CTNND2: variants seen among roughly 807,000 people sequenced by gnomAD.
The protein encoded by CTNND2 is catenin delta-2.
CTNND2 carries 22 observed loss-of-function variants against 144.4 expected under a neutral mutation model. The ratio of observed to expected loss-of-function variants is 0.15; its 90% confidence interval spans 0.11 to 0.22. CTNND2 has a LOEUF of 0.22. CTNND2 is among the 10% of genes least tolerant of loss of function. CTNND2 has a pLI of 1.00. For missense variants in CTNND2, 1,353 were observed against 1,618.8 expected (o/e 0.84, Z 2.82); for synonymous variants, 751 against 695.6 (o/e 1.08, Z -1.25).
intron 2 of CTNND2, among the ~76,000 whole-genome samples, chr5:11,678,967 T>C (rs1381540487): frequency 1.3e-5 from 2 of 151,906 alleles, no homozygotes; most frequent in Non-Finnish European, 2.9e-5. Context: ...TTATTCTACA[T>C]GGTGCTGGGA....
chr5:11,154,148 C>T (rs1212647072), intron 12 of CTNND2, among the ~76,000 whole-genome samples: 2 of 152,218 alleles, frequency 1.3e-5, no homozygotes, highest in Non-Finnish European at 2.9e-5. Flanking sequence ...TTAAATGACA[C>T]TGATATGGTG....
At chr5:11,851,486 G>T (rs979912938) in intron 1 of CTNND2, among the ~76,000 whole-genome samples, 1 of 152,160 alleles carries the variant, frequency 6.6e-6, no homozygotes, top group Non-Finnish European at 1.5e-5. Context: ...TTCACTCTGT[G>T]GCCTGAGGGG....
At chr5:11,560,079 G>C (rs1776566071) in intron 3 of CTNND2, among the ~76,000 whole-genome samples, 1 of 152,202 alleles carries the variant, frequency 6.6e-6, no homozygotes, top group African/African-American at 2.4e-5. Context: ...AATTGACGAA[G>C]TGGAGACAAT....
chr5:11,720,327 G>A (rs1786599156), intron 2 of CTNND2, among the ~76,000 whole-genome samples: 1 of 152,052 alleles, frequency 6.6e-6, no homozygotes, highest in Admixed American at 6.6e-5. Flanking sequence ...ATATATGGGG[G>A]GCTACTTAAG....
intron 11 of CTNND2, among the ~76,000 whole-genome samples, chr5:11,185,021 C>A (rs901988400): frequency 2.0e-5 from 3 of 152,184 alleles, no homozygotes; most frequent in Non-Finnish European, 4.4e-5. Flanking sequence ...CCCACCCCTG[C>A]ATGCACACGG....
At chr5:11,226,204 A>G (rs1194008810) in intron 10 of CTNND2, among the ~76,000 whole-genome samples, 1 of 152,166 alleles carries the variant, frequency 6.6e-6, no homozygotes, top group African/African-American at 2.4e-5. Flanking sequence ...AGCACAAATG[A>G]GCACATGCCT....
chr5:11,870,806 G>A (rs1360474890), intron 1 of CTNND2, among the ~76,000 whole-genome samples: 3 of 152,180 alleles, frequency 2.0e-5, no homozygotes, highest in African/African-American at 7.2e-5. Context: ...AATTCAAACA[G>A]TCAGGTGCAG....
At chr5:11,030,284 G>T (rs1246715734) in intron 16 of CTNND2, among the ~76,000 whole-genome samples, 1 of 151,936 alleles carries the variant, frequency 6.6e-6, no homozygotes, top group Non-Finnish European at 1.5e-5. Context: ...TATGCCTTTT[G>T]TTAAATTTGG....
chr5:11,904,053 G>C lies in CTNND2; in HGVS notation c.-200C>G. On this transcript the variant is annotated 5_prime_UTR_variant, in exon 1 of 22. Coordinates refer to ENST00000304623, the MANE Select transcript of CTNND2 (RefSeq NM_001332.4). This position sits in a 1 kb window ranked among gnomAD's most constrained non-coding sequence, Gnocchi z 4.2. ...AGGCGGCTCCCGACGCGAGTGCGCA[G>C]CGCCCGGCCCGGCGGCCCCTCCGAG... 2.7e-6 allele frequency: 1 copy of C among 368,006 alleles called. No homozygotes were observed. Among genetic ancestry groups the C allele is most frequent in the Non-Finnish European group, 4.3e-6 (1 of 234,924 alleles). The allele number at this position is 368,006 out of a possible 1,614,324, so 22.8% of individuals were successfully genotyped here.
At chr5:11,554,428 A>T (rs147554106) in intron 3 of CTNND2, among the ~76,000 whole-genome samples, 2 of 152,312 alleles carry the variant, frequency 1.3e-5, no homozygotes, top group Admixed American at 1.3e-4. Flanking sequence ...TGACATTTGA[A>T]TGCATGTGCT....
intron 2 of CTNND2, among the ~76,000 whole-genome samples, chr5:11,605,717 A>G (rs1021253646): frequency 4.3e-4 from 66 of 152,304 alleles, no homozygotes; most frequent in African/African-American, 1.6e-3. Context: ...GTCTTTTGTA[A>G]CTATGCAGGA....
intron 9 of CTNND2, among the ~76,000 whole-genome samples, chr5:11,334,371 G>A (rs142553072): frequency 5.5e-4 from 83 of 152,206 alleles, no homozygotes; most frequent in East Asian, 1.7e-3. Flanking sequence ...TACATTACTC[G>A]TTCAGAAAAA....
At chr5:11,890,493 C>A (rs1356390555) in intron 1 of CTNND2, among the ~76,000 whole-genome samples, 1 of 152,150 alleles carries the variant, frequency 6.6e-6, no homozygotes, top group Non-Finnish European at 1.5e-5. Context: ...GATAGACTAT[C>A]CGTCTTCTGT....
chr5:11,052,522 G>A (rs1003081346), intron 16 of CTNND2, among the ~76,000 whole-genome samples: 15 of 152,154 alleles, frequency 9.9e-5, no homozygotes, highest in African/African-American at 3.6e-4. Flanking sequence ...TCAAAAGACA[G>A]TTTGTGCCCT....
chr5:11,616,944 T>C (rs991157638), intron 2 of CTNND2, among the ~76,000 whole-genome samples: 2 of 152,110 alleles, frequency 1.3e-5, no homozygotes, highest in African/African-American at 4.8e-5. Context: ...CTTTGTTCAG[T>C]TTTGTTTCCC....
chr5:11,798,828 A>G (rs1221538226), intron 1 of CTNND2, among the ~76,000 whole-genome samples: 1 of 152,224 alleles, frequency 6.6e-6, no homozygotes, highest in Admixed American at 6.5e-5. Flanking sequence ...ATTTCAGGAA[A>G]AAAAAGTAAC....
At chr5:11,339,731 C>T (rs1208478186) in intron 9 of CTNND2, among the ~76,000 whole-genome samples, 10 of 152,090 alleles carry the variant, frequency 6.6e-5, no homozygotes, top group Non-Finnish European at 1.3e-4. Flanking sequence ...AAAGAGACCC[C>T]ACTTTGTGAG....
intron 16 of CTNND2, among the ~76,000 whole-genome samples, chr5:11,049,541 C>G (rs1209102963): frequency 6.6e-6 from 1 of 152,174 alleles, no homozygotes; most frequent in African/African-American, 2.4e-5. Context: ...ATATCACCCT[C>G]CCCACGGATA....
At chr5:11,447,502 T>G (rs911717516) in intron 3 of CTNND2, among the ~76,000 whole-genome samples, 5 of 152,172 alleles carry the variant, frequency 3.3e-5, no homozygotes, top group Admixed American at 6.5e-5. Context: ...AAGTAACTAT[T>G]TATTTATTAC....
Sources: gnomAD v4.1 joint callset for allele counts (sites outside exome capture counted in the v4.1 genomes callset) on GRCh38, gnomAD v4.1.1 for gene constraint, Gnocchi (gnomAD v3.1) non-coding constraint, MANE v1.5 for transcripts, NCBI Gene and HGNC (gene_info 2026-07-23, HGNC 2026-07-21) for gene names.